The following CYP7A1 variants were observed in gnomAD, a reference collection of about 807,000 sequenced individuals.
CYP7A1 encodes cytochrome P450 family 7 subfamily A member 1.
Under a neutral mutation model 43.8 loss-of-function variants are expected in CYP7A1, and 28 were observed. The observed-to-expected ratio is 0.64, with a 90% CI of 0.47 to 0.88. CYP7A1 has a LOEUF of 0.88. CYP7A1 is among the 40% of genes least tolerant of loss of function. The probability of loss-of-function intolerance (pLI) is 0.00; values close to 1 mark genes in which losing one functional copy is unlikely to be tolerated. For synonymous variants in CYP7A1, 227 were observed against 222.5 expected (o/e 1.02, Z -0.18); for missense variants, 637 against 611.9 (o/e 1.04, Z -0.43).
chr8:58,496,680 T>A lies in CYP7A1; in HGVS notation c.832A>T (p.Thr278Ser). 6.2e-7 allele frequency: 1 copy of A among 1,614,210 alleles called. No homozygotes were observed. Residue 278 changes from threonine to serine, a missense_variant, in exon 3 of 6, where the codon ACA becomes TCA. Thr to Ser is a moderately conservative substitution (Grantham distance 58). Transcript: ENST00000301645. ...GATGCCCAGAGGACCACGAGGTGTG[T>A]CTTGGCCTTCTCCAGATCATCAAAG... ...STFDDLEKAK[T>S]HLVVLWASQA... is the part of the protein sequence containing the mutation.
In CYP7A1 at chr8:58,492,340, G is replaced by A. The variant is rs1229713643; in HGVS notation, c.1215+13C>T. ...ATCACCTGGATATTGAATTTCAATG[G>A]GCAGGCACTTACCAAAGGGTCTGGG... is the stretch of plus-strand genomic sequence containing the variant. On this transcript the variant is annotated intron_variant, in intron 5 of 5. Coordinates refer to ENST00000301645, the MANE Select transcript of CYP7A1 (RefSeq NM_000780.4). The A allele has an allele frequency of 1.2e-6, 2 of 1,604,538 alleles. No individual in the cohort carries two copies. The highest frequency in any genetic ancestry group is 4.5e-5 in the East Asian group (2 of 44,826).
At chr8:58,495,587 C>CA (rs1165500437) in intron 3 of CYP7A1, among the ~76,000 whole-genome samples, 12 of 152,274 alleles carry the variant, frequency 7.9e-5, no homozygotes, top group Non-Finnish European at 1.6e-4. Context: ...TAGGGAGCTA[C>CA]ATAACAAAAT....
Position 58,498,345 on chromosome 8 carries a change from A to G in CYP7A1, c.205T>C (p.Cys69Arg). Residue 69 changes from cysteine to arginine, a missense_variant, in exon 2 of 6, where the codon TGC becomes CGC. Coordinates refer to ENST00000301645, the MANE Select transcript of CYP7A1 (RefSeq NM_000780.4). ...TGGACATATTTTCCCATTAGTTTGCAGGTAAAAACATGACCATGTTTCCTT... is the reference window on the plus strand; with the variant it reads ...TGGACATATTTTCCCATTAGTTTGCGGGTAAAAACATGACCATGTTTCCTT... ...NQRKHGHVFT[C>R]KLMGKYVHFI... 1 of 1,614,178 alleles carries G rather than the reference A, an allele frequency of 6.2e-7. No individual in the cohort carries two copies. The highest frequency in any genetic ancestry group is 1.1e-5 in the South Asian group (1 of 91,086).
chr8:58,491,907 A>G (rs1039988830), intron 5 of CYP7A1, 133 bp from the exon 6 acceptor site: 8 of 735,376 alleles, frequency 1.1e-5, no homozygotes, highest in East Asian at 2.6e-5. Flanking sequence ...AATACTCCAC[A>G]TTGAATCAGA....
chr8:58,495,168 G>A (rs1809418974), intron 3 of CYP7A1, among the ~76,000 whole-genome samples: 1 of 149,424 alleles, frequency 6.7e-6, no homozygotes, highest in Non-Finnish European at 1.5e-5. Context: ...TAAAAAATGG[G>A]ACTTTGCTAC....
At chr8:58,493,797 C>A (rs1222919144) in intron 4 of CYP7A1, among the ~76,000 whole-genome samples, 1 of 151,996 alleles carries the variant, frequency 6.6e-6, no homozygotes, top group Non-Finnish European at 1.5e-5. Context: ...GTCAGGAGTT[C>A]GAGACCAGTC....
rs1353837370 is a variant in CYP7A1 at position 58,500,161 on chromosome 8, A to G, written c.-63T>C. The stretch of plus-strand genomic sequence containing the variant: ...CTCTGATTAGAAAGGGAAGGATGCC[A>G]CTGAAAAGAGACTCAAGCTAGGCTT... On this transcript the variant is annotated 5_prime_UTR_variant, in exon 1 of 6. Transcript: ENST00000301645. The G allele has an allele frequency of 2.3e-6, 3 of 1,313,008 alleles. No homozygotes were observed. The highest frequency in any genetic ancestry group is 3.4e-5 in the Admixed American group (2 of 59,458). 81.3% of individuals were successfully genotyped at this position (1,313,008 alleles called of 1,614,324 possible).
At chr8:58,498,713 C>G (rs1287603998) in intron 1 of CYP7A1, among the ~76,000 whole-genome samples, 1 of 152,190 alleles carries the variant, frequency 6.6e-6, no homozygotes, top group Non-Finnish European at 1.5e-5. Context: ...TATACACATT[C>G]AACAAGCACC....
At chr8:58,493,594 A>T (rs373951094) in intron 4 of CYP7A1, among the ~76,000 whole-genome samples, 9 of 152,242 alleles carry the variant, frequency 5.9e-5, no homozygotes, top group African/African-American at 2.2e-4. Flanking sequence ...TAAGGCCCCC[A>T]AAAGAGTACT....
chr8:58,491,476 C>A lies in CYP7A1; in HGVS notation c.1514G>T (p.Ter505LeuextTer48). 1 of 1,613,630 alleles carries A rather than the reference C, an allele frequency of 6.2e-7. No homozygotes were observed. Among genetic ancestry groups the A allele is most frequent in the South Asian group, 1.1e-5 (1 of 91,014 alleles). Residue 505 changes from the stop codon to leucine, a stop_lost, in exon 6 of 6, where the codon TGA becomes TTA. Coordinates refer to ENST00000301645, the MANE Select transcript of CYP7A1 (RefSeq NM_000780.4). Reference sequence around the variant, plus strand: ...TGTCCTCTTATTCCAGCCATGTATTCACAAATGCTTGAATTTATATTTAAA... The same window carrying A: ...TGTCCTCTTATTCCAGCCATGTATTAACAAATGCTTGAATTTATATTTAAA... Reference protein sequence around the residue: ...IEFKYKFKHL* With the variant: ...IEFKYKFKHLL
At chr8:58,493,397 G>A (rs990332467) in intron 4 of CYP7A1, among the ~76,000 whole-genome samples, 8 of 152,120 alleles carry the variant, frequency 5.3e-5, no homozygotes, top group Admixed American at 1.3e-4. Context: ...GGCGATCACC[G>A]CTGCCCGGTA....
In CYP7A1 at chr8:58,490,473, C is replaced by T. The variant is rs972783580; in HGVS notation, c.*1002G>A. Reference sequence around the variant, plus strand: ...GTCAAGCTGCACTTAATACACTCCACATGTTTCATAACCAAAGCTTCCAAA... The same window carrying T: ...GTCAAGCTGCACTTAATACACTCCATATGTTTCATAACCAAAGCTTCCAAA... On this transcript the variant is annotated 3_prime_UTR_variant, in exon 6 of 6. Transcript: ENST00000301645. 2 of 152,180 alleles carry T rather than the reference C, an allele frequency of 1.3e-5. No homozygotes were observed. The highest frequency in any genetic ancestry group is 2.9e-5 in the Non-Finnish European group (2 of 68,026). The allele number at this position is 152,180 out of a possible 1,614,324, so 9.4% of individuals were successfully genotyped here. A position where few individuals can be genotyped will look rare whatever the true frequency, so the allele number is the denominator to read the frequency against.
At chr8:58,494,411 T>G (rs1452273198) in intron 4 of CYP7A1, 95 bp downstream of exon 4, 1 of 1,315,242 alleles carries the variant, frequency 7.6e-7, no homozygotes, top group African/African-American at 1.5e-5. Context: ...TTTAGTTTAA[T>G]GCCTAGAATT....
chr8:58,498,403 A>G lies in CYP7A1; in HGVS notation c.147T>C (p.Gly49=). ...CTCTGAGGAACTCAAGAGGATTGGC[A>G]CCAAATTGCAGAGCACAGCCCAGGT... The part of the protein sequence containing the change: ...IPYLGCALQF[G]ANPLEFLRAN... Residue 49 remains glycine (G), a synonymous_variant, in exon 2 of 6, where the codon GGT becomes GGC. Transcript: ENST00000301645. 6.2e-7 allele frequency: 1 copy of G among 1,614,150 alleles called. No homozygotes were observed. Among genetic ancestry groups the G allele is most frequent in the Non-Finnish European group, 8.5e-7 (1 of 1,179,996 alleles).
At chr8:58,493,521 C>T (rs1166385438) in intron 4 of CYP7A1, among the ~76,000 whole-genome samples, 2 of 152,100 alleles carry the variant, frequency 1.3e-5, no homozygotes, top group Admixed American at 1.3e-4. Flanking sequence ...TTTTAGGGTG[C>T]TCATCACATG....
At position 58,492,524 on chromosome 8, in the gene CYP7A1, A is replaced by G. The variant is rs1809367094; in HGVS notation, c.1044T>C (p.Ser348=). The G allele has an allele frequency of 6.2e-7, 1 of 1,611,826 alleles. No homozygotes were observed. Among genetic ancestry groups the G allele is most frequent in the African/African-American group, 1.3e-5 (1 of 74,872 alleles). Residue 348 remains serine (S), a synonymous_variant, in exon 5 of 6, where the codon AGT becomes AGC. Coordinates refer to ENST00000301645, the MANE Select transcript of CYP7A1 (RefSeq NM_000780.4). ...AELNDLPVLD[S]IIKESLRLSS... is the part of the protein sequence containing the mutation. Reference sequence around the variant, plus strand: ...AAAGCCTCAGCGATTCCTTGATTATACTATCTAAACATTTTAAAAGAAAAA... The same window carrying G: ...AAAGCCTCAGCGATTCCTTGATTATGCTATCTAAACATTTTAAAAGAAAAA...
intron 3 of CYP7A1, 87 bp from the exon 4 acceptor site, chr8:58,494,723 C>A: frequency 8.2e-7 from 1 of 1,217,770 alleles, no homozygotes; most frequent in Non-Finnish European, 1.2e-6. Context: ...GCCTTTCCCC[C>A]TTCTTTTAAC....
chr8:58,494,726 CT>C (rs1016497768), intron 3 of CYP7A1, 90 bp from the exon 4 acceptor site: 27 of 1,221,544 alleles, frequency 2.2e-5, no homozygotes, highest in Non-Finnish European at 3.2e-5. Flanking sequence ...TTTCCCCCTT[CT>C]TTTAACTAGA....
At chr8:58,493,999 AAAAT>A (rs1256743188) in intron 4 of CYP7A1, among the ~76,000 whole-genome samples, 3 of 152,174 alleles carry the variant, frequency 2.0e-5, no homozygotes, top group Non-Finnish European at 2.9e-5. Context: ...GACTTTGTCA[AAAAT>A]AAATAAATAA....
Sources: gnomAD v4.1 joint callset for allele counts (sites outside exome capture counted in the v4.1 genomes callset) on GRCh38, gnomAD v4.1.1 for gene constraint, MANE v1.5 for transcripts, NCBI Gene and HGNC (gene_info 2026-07-23, HGNC 2026-07-21) for gene names.